Variants in SLIT2 observed in about 807,000 individuals in gnomAD.
SLIT2 encodes slit guidance ligand 2.
In SLIT2, 41 loss-of-function variants were observed where a neutral mutation model predicts 185.7. The observed-to-expected ratio is 0.22, with a 90% CI of 0.17 to 0.29. The LOEUF is 0.29. SLIT2 is among the 10% of genes least tolerant of loss of function. SLIT2 has a pLI of 1.00. For missense variants in SLIT2, 1,571 were observed against 1,909.0 expected (o/e 0.82, Z 3.30); for synonymous variants, 693 against 680.2 (o/e 1.02, Z -0.29).
Position 20,610,006 on chromosome 4 carries a change from G to C in SLIT2, c.3693-7G>C. Reference sequence around the variant, plus strand: ...GGAAGAATCAGCCATTTTTTTTTCCGTTGTAGTGTGGAGACAATCAATGAT... The same window carrying C: ...GGAAGAATCAGCCATTTTTTTTTCCCTTGTAGTGTGGAGACAATCAATGAT... On this transcript the variant is annotated splice_region_variant and splice_polypyrimidine_tract_variant and intron_variant, in intron 33 of 36. Coordinates refer to ENST00000504154, the MANE Select transcript of SLIT2 (RefSeq NM_004787.4). The C allele has an allele frequency of 1.3e-6, 2 of 1,588,760 alleles. No individual in the cohort carries two copies. The highest frequency in any genetic ancestry group is 1.7e-6 in the Non-Finnish European group (2 of 1,170,352).
intron 9 of SLIT2, among the ~76,000 whole-genome samples, chr4:20,504,065 T>G (rs1358764685): frequency 6.6e-6 from 1 of 152,156 alleles, no homozygotes. Context: ...TATGAAAGAT[T>G]TTAATGACAT....
At chr4:20,272,114 A>T (rs956051519) in intron 4 of SLIT2, among the ~76,000 whole-genome samples, 6 of 152,082 alleles carry the variant, frequency 3.9e-5, no homozygotes, top group African/African-American at 1.4e-4. Flanking sequence ...ACTAGTTTAA[A>T]TAGCATTACC....
At chr4:20,570,150 T>C (rs955300113) in intron 29 of SLIT2, among the ~76,000 whole-genome samples, 1 of 152,062 alleles carries the variant, frequency 6.6e-6, no homozygotes, top group African/African-American at 2.4e-5. Context: ...AATTTTTATT[T>C]TTTTGGCACC....
At chr4:20,520,617 C>T (rs139894974) in intron 12 of SLIT2, among the ~76,000 whole-genome samples, 99 of 152,214 alleles carry the variant, frequency 6.5e-4, no homozygotes, top group African/African-American at 2.2e-3. Flanking sequence ...TATAAACTTA[C>T]GTTCTTAAGT....
Position 20,480,768 on chromosome 4 carries a change from C to T in SLIT2, c.520C>T (p.Leu174Phe), listed in dbSNP as rs747748412. The T allele has an allele frequency of 9.9e-6, 16 of 1,613,176 alleles. No individual in the cohort carries two copies. Among genetic ancestry groups the T allele is most frequent in the Non-Finnish European group, 1.4e-5 (16 of 1,179,162 alleles). The change falls in exon 6 of 37, where the codon CTC becomes TTC. Residue 174 changes from leucine (L) to phenylalanine (F), a missense_variant. By Grantham distance (22) the Leu-to-Phe change is conservative. Transcript: ENST00000504154. ...TATTGAAGATGGGGCATTCAGGGCTCTCCGGGACCTGGAAGTGCTGTAAGT... is the reference window on the plus strand; with the variant it reads ...TATTGAAGATGGGGCATTCAGGGCTTTCCGGGACCTGGAAGTGCTGTAAGT... Reference protein sequence around the residue: ...SCIEDGAFRALRDLEVLTLNN... With the variant: ...SCIEDGAFRAFRDLEVLTLNN...
rs1721850102 is a variant in SLIT2 at position 20,531,965 on chromosome 4, T to C, written c.1614-19T>C. ...AACTATTGGTAATAAAACTTCTCTATTCCTTCTTTTTTCTTCAGGCGTCTC... is the reference window on the plus strand; with the variant it reads ...AACTATTGGTAATAAAACTTCTCTACTCCTTCTTTTTTCTTCAGGCGTCTC... On this transcript the variant is annotated intron_variant, in intron 16 of 36. Transcript: ENST00000504154. 3 of 1,487,048 alleles carry C rather than the reference T, an allele frequency of 2.0e-6. No individual in the cohort carries two copies. Among genetic ancestry groups the C allele is most frequent in the Non-Finnish European group, 2.7e-6 (3 of 1,093,026 alleles). The allele number at this position is 1,487,048 out of a possible 1,614,324, so 92.1% of individuals were successfully genotyped here.
intron 4 of SLIT2, among the ~76,000 whole-genome samples, chr4:20,455,911 A>AT (rs931887965): frequency 2.0e-5 from 3 of 152,172 alleles, no homozygotes; most frequent in Admixed American, 1.3e-4. Context: ...ATTTCTAGGC[A>AT]TTTTTTCAAC....
At chr4:20,504,350 A>G (rs191693551) in intron 9 of SLIT2, among the ~76,000 whole-genome samples, 17 of 152,288 alleles carry the variant, frequency 1.1e-4, no homozygotes, top group African/African-American at 3.8e-4. Flanking sequence ...CGTTAAAAGC[A>G]GATGGAGAAA....
intron 24 of SLIT2, among the ~76,000 whole-genome samples, chr4:20,549,738 T>C (rs980472423): frequency 6.6e-6 from 1 of 151,564 alleles, no homozygotes; most frequent in Non-Finnish European, 1.5e-5. Context: ...CTATCATATA[T>C]ATGAATAAAA....
chr4:20,609,697 G>C (rs180837107), intron 33 of SLIT2, among the ~76,000 whole-genome samples: 1 of 152,186 alleles, frequency 6.6e-6, no homozygotes, highest in Non-Finnish European at 1.5e-5. Flanking sequence ...GAAGTTAAAA[G>C]CAAATGTATA....
chr4:20,536,583 AAAC>A (rs1222611496), intron 18 of SLIT2, among the ~76,000 whole-genome samples: 13 of 145,648 alleles, frequency 8.9e-5, no homozygotes, highest in African/African-American at 3.3e-4. Context: ...AAAAAAACAA[AAAC>A]CACTGTACAA....
chr4:20,499,972 A>G (rs1231053092), intron 9 of SLIT2, among the ~76,000 whole-genome samples: 3 of 152,194 alleles, frequency 2.0e-5, no homozygotes, highest in Non-Finnish European at 4.4e-5. Flanking sequence ...CAAGTAGTTT[A>G]TTTTAAATAT....
rs554259872 is a variant in SLIT2, at chr4:20,407,278, G to A, written c.396-60474G>A. ...GTATGATTTGTGCACTTTTAGGTTT[G>A]TTTATTACACTGTTCTAAAATTCAA... On this transcript the variant is annotated intron_variant, in intron 4 of 36. Coordinates refer to ENST00000504154, the MANE Select transcript of SLIT2 (RefSeq NM_004787.4). Among the ~76,000 whole-genome samples, 87 of 152,178 alleles carry A rather than the reference G, an allele frequency of 5.7e-4. No individual in the cohort carries two copies. In the South Asian group the frequency reaches 0.015, roughly 25 times the overall value.
At chr4:20,391,624 C>T (rs1354350808) in intron 4 of SLIT2, among the ~76,000 whole-genome samples, 2 of 151,974 alleles carry the variant, frequency 1.3e-5, no homozygotes, top group Non-Finnish European at 1.5e-5. Context: ...TGTTTTAGCA[C>T]GATTTCTGAT....
chr4:20,511,208 G>A (rs1285003683), intron 11 of SLIT2, 71 bp downstream of exon 11: 1 of 854,016 alleles, frequency 1.2e-6, no homozygotes, highest in South Asian at 1.6e-5. Flanking sequence ...TTTAAATTGG[G>A]GTTTAAAAAA....
chr4:20,579,779 A>G lies in SLIT2; in HGVS notation c.3089-9865A>G, dbSNP rs541069817. ...AAACTATTCTTACTCATTTCGGGAA[A>G]CATTTATTGTTAACTCTCATGGACC... is the stretch of plus-strand genomic sequence containing the variant. On this transcript the variant is annotated intron_variant, in intron 29 of 36. Transcript: ENST00000504154. Among the ~76,000 whole-genome samples the G allele has an allele frequency of 1.9e-3, 296 of 151,894 alleles. 3 individuals carry two copies. The highest frequency in any genetic ancestry group is 8.9e-3 in the Admixed American group (136 of 15,246).
intron 4 of SLIT2, among the ~76,000 whole-genome samples, chr4:20,293,978 A>G (rs1716223995): frequency 6.6e-6 from 1 of 152,044 alleles, no homozygotes; most frequent in South Asian, 2.1e-4. Context: ...CAATATTTAA[A>G]GACACCTACC....
chr4:20,578,750 C>T (rs1458230151), intron 29 of SLIT2, among the ~76,000 whole-genome samples: 1 of 152,054 alleles, frequency 6.6e-6, no homozygotes, highest in East Asian at 1.9e-4. Flanking sequence ...TAGACATGCC[C>T]AATTTGAATT....
intron 4 of SLIT2, among the ~76,000 whole-genome samples, chr4:20,312,628 G>A (rs1718218404): frequency 6.6e-6 from 1 of 151,472 alleles, no homozygotes; most frequent in Non-Finnish European, 1.5e-5. Flanking sequence ...AAAAAAATTA[G>A]CGGGTTTGTT....
Sources: allele counts gnomAD v4.1 joint callset (sites outside exome capture counted in the v4.1 genomes callset), GRCh38; gene constraint gnomAD v4.1.1; transcripts MANE v1.5; gene names NCBI Gene and HGNC (gene_info 2026-07-23, HGNC 2026-07-21).